The following MTOR variants were observed in gnomAD, a reference collection of about 807,000 sequenced individuals.
MTOR encodes serine/threonine-protein kinase mTOR.
Under a neutral mutation model 319.8 loss-of-function variants are expected in MTOR, and 70 were observed. That is an observed-to-expected ratio of 0.22 (90% confidence interval 0.18 to 0.27). The LOEUF (loss-of-function observed/expected upper bound fraction) is 0.27. Among genes scored for constraint, MTOR ranks in the 10% least tolerant of loss-of-function variants. The pLI is 1.00. For synonymous variants in MTOR, 1,183 were observed against 1,211.4 expected (o/e 0.98, Z 0.49); for missense variants, 1,890 against 3,274.4 (o/e 0.58, Z 10.32).
chr1:11,121,865 A>G lies in MTOR; in HGVS notation c.6810+114T>C. 1 of 1,382,676 alleles carries G rather than the reference A, an allele frequency of 7.2e-7. No homozygotes were observed. The highest frequency in any genetic ancestry group is 1.4e-5 in the South Asian group (1 of 69,836). The allele number at this position is 1,382,676 out of a possible 1,614,324, so 85.7% of individuals were successfully genotyped here. A position where few individuals can be genotyped will look rare whatever the true frequency, so the allele number is the denominator to read the frequency against. On this transcript the variant is annotated intron_variant, in intron 48 of 57. Transcript: ENST00000361445. This position sits in a 1 kb window ranked among gnomAD's most constrained non-coding sequence, Gnocchi z 4.9. ...CTTTATTAAACCTTCTTCAAAGCTG[A>G]TTCTCTCAAAGAGATTTTTCAGTGA...
At position 11,220,058 on chromosome 1, in the gene MTOR, A is replaced by T. The variant is rs1187832742; in HGVS notation, c.3031-3824T>A. ...AAAAAAAAAAAAAGAAAAGAAAAGA[A>T]AAGAAAGAAAAAAAAAATAGAAGGG... On this transcript the variant is annotated intron_variant, in intron 19 of 57. Transcript: ENST00000361445. Among the ~76,000 whole-genome samples, 5 of 1,704 alleles carry T rather than the reference A, an allele frequency of 2.9e-3. No individual in the cohort carries two copies. The East Asian group carries it at 0.052, about 18-fold the overall frequency. The allele number at this position is 1,704 out of a possible 152,430, so 1.1% of individuals were successfully genotyped here.
At chr1:11,230,826 T>C (rs1557454440) in intron 18 of MTOR, 99 bp downstream of exon 18, 6 of 1,532,706 alleles carry the variant, frequency 3.9e-6, no homozygotes, top group Admixed American at 3.6e-5. Context: ...CAATATCCTA[T>C]AATTTCTCAG....
chr1:11,210,497 G>A (rs1224948263), intron 24 of MTOR, among the ~76,000 whole-genome samples: 1 of 151,898 alleles, frequency 6.6e-6, no homozygotes, highest in Admixed American at 6.5e-5. Flanking sequence ...AATGGTTGGG[G>A]GGAAAAAAAA....
chr1:11,139,926 G>C (rs1336972147), intron 34 of MTOR, among the ~76,000 whole-genome samples: 2 of 152,098 alleles, frequency 1.3e-5, no homozygotes, highest in Non-Finnish European at 2.9e-5. Context: ...TCCTGACCTC[G>C]TGATCCAACC....
chr1:11,230,654 G>C (rs1646985570), intron 18 of MTOR, among the ~76,000 whole-genome samples: 1 of 152,190 alleles, frequency 6.6e-6, no homozygotes, highest in Middle Eastern at 3.2e-3. Flanking sequence ...GTGATAATGT[G>C]TATCTCTTGC....
At chr1:11,194,404 A>T (rs776792955) in intron 28 of MTOR, 6 of 1,539,030 alleles carry the variant, frequency 3.9e-6, no homozygotes, top group Non-Finnish European at 5.4e-6. Flanking sequence ...AGGGGTATAG[A>T]GACAGCATGA....
chr1:11,228,125 C>A (rs945271816), intron 19 of MTOR, among the ~76,000 whole-genome samples: 1 of 151,958 alleles, frequency 6.6e-6, no homozygotes, highest in Non-Finnish European at 1.5e-5. Context: ...GGGGCATCTA[C>A]AACCGGACTG....
intron 28 of MTOR, among the ~76,000 whole-genome samples, chr1:11,191,397 A>G (rs1299969278): frequency 6.6e-6 from 1 of 152,084 alleles, no homozygotes; most frequent in African/African-American, 2.4e-5. Flanking sequence ...TCTGCAAGAG[A>G]ACCTATGTGC....
intron 29 of MTOR, 37 bp from the exon 30 acceptor site, chr1:11,157,328 C>G (rs757462904): frequency 6.2e-7 from 1 of 1,601,398 alleles, no homozygotes; most frequent in Admixed American, 1.7e-5. Context: ...GTGAGGTACA[C>G]AGAAGAAGGG....
intron 49 of MTOR, among the ~76,000 whole-genome samples, chr1:11,118,669 G>A (rs1010277873): frequency 2.8e-5 from 4 of 143,996 alleles, no homozygotes; most frequent in Non-Finnish European, 6.0e-5. Context: ...CTCAGGCTGA[G>A]TTACAGATTG....
At chr1:11,142,155 A>G (rs1643742689) in intron 34 of MTOR, among the ~76,000 whole-genome samples, 1 of 152,136 alleles carries the variant, frequency 6.6e-6, no homozygotes, top group Non-Finnish European at 1.5e-5. Context: ...CCTTAACCTG[A>G]GATTCTATCA....
At chr1:11,114,935 A>T in intron 51 of MTOR, 48 bp from the exon 52 acceptor site, 1 of 1,566,760 alleles carries the variant, frequency 6.4e-7, no homozygotes, top group Non-Finnish European at 8.8e-7. Context: ...TATTTTCTTT[A>T]CCTGGAGCCA....
intron 28 of MTOR, among the ~76,000 whole-genome samples, chr1:11,192,748 TAAAAAAAAA>T (rs56996673): frequency 3.4e-5 from 4 of 119,236 alleles, no homozygotes; most frequent in East Asian, 2.4e-4. Flanking sequence ...CCATTTCAAT[TAAAAAAAAA>T]AAAAAAAAAA....
At chr1:11,153,035 T>C (rs949781986) in intron 30 of MTOR, among the ~76,000 whole-genome samples, 3 of 152,148 alleles carry the variant, frequency 2.0e-5, no homozygotes, top group African/African-American at 4.8e-5. Context: ...CTCAGCTCGG[T>C]TTTCTCAACT....
intron 24 of MTOR, 94 bp downstream of exon 24, chr1:11,210,720 C>G: frequency 9.8e-7 from 1 of 1,020,410 alleles, no homozygotes; most frequent in South Asian, 1.5e-5. Flanking sequence ...AATTTACAGC[C>G]AAAAAGCTAC....
At chr1:11,159,230 T>TGCCCTCTC (rs1336185164) in intron 29 of MTOR, among the ~76,000 whole-genome samples, 22 of 152,194 alleles carry the variant, frequency 1.4e-4, no homozygotes, top group Admixed American at 1.4e-3. Context: ...GTACATGAAG[T>TGCCCTCTC]GCCCTCTCGC....
At chr1:11,225,576 C>G (rs1170691665) in intron 19 of MTOR, among the ~76,000 whole-genome samples, 4 of 152,048 alleles carry the variant, frequency 2.6e-5, no homozygotes, top group African/African-American at 9.7e-5. Context: ...CATGTGCCAC[C>G]ATGCCCGGCT....
rs184368905 is a variant in MTOR at position 11,140,493 on chromosome 1, C to G, written c.4873-835G>C. Among the ~76,000 whole-genome samples the G allele has an allele frequency of 3.8e-3, 572 of 152,332 alleles. 4 individuals carry two copies. The highest frequency in any genetic ancestry group is 0.013 in the African/African-American group (540 of 41,568). ...CCATCCCTCACCTCCTGCTGTGCCT[C>G]CCGGTTCCTAACAGGCTACTCACCG... On this transcript the variant is annotated intron_variant, in intron 34 of 57. Transcript: ENST00000361445.
chr1:11,202,244 A>G (rs1225451702), intron 26 of MTOR, among the ~76,000 whole-genome samples: 1 of 152,086 alleles, frequency 6.6e-6, no homozygotes, highest in African/African-American at 2.4e-5. Context: ...CCTGGCTAAC[A>G]TGGTGAAATC....
Sources: gnomAD v4.1 joint callset for allele counts (sites outside exome capture counted in the v4.1 genomes callset) on GRCh38, gnomAD v4.1.1 for gene constraint, Gnocchi (gnomAD v3.1) non-coding constraint, MANE v1.5 for transcripts, NCBI Gene and HGNC (gene_info 2026-07-23, HGNC 2026-07-21) for gene names.